PHRF1: variants seen among roughly 807,000 people sequenced by gnomAD.
PHRF1 encodes PHD and RING finger domain-containing protein 1.
In PHRF1, 53 loss-of-function variants were observed where a neutral mutation model predicts 128.9. The observed-to-expected ratio is 0.41, with a 90% CI of 0.33 to 0.52. PHRF1 has a LOEUF of 0.52. Among genes scored for constraint, PHRF1 ranks in the 20% least tolerant of loss-of-function variants. PHRF1 has a pLI of 0.21. For synonymous variants in PHRF1, 1,178 were observed against 980.6 expected (o/e 1.20, Z -3.76); for missense variants, 2,503 against 2,284.5 (o/e 1.10, Z -1.95).
In PHRF1 at chr11:604,718, T is replaced by C. The variant is rs182435474; in HGVS notation, c.1153-401T>C. On this transcript the variant is annotated intron_variant, in intron 10 of 17. Coordinates refer to ENST00000264555, the MANE Select transcript of PHRF1 (RefSeq NM_001286581.2). ...TTAGTAGAGATGGGGTTTCACCATG[T>C]TGGCCAGGCTGGTCTCAAGCTGGCC... is the stretch of plus-strand genomic sequence containing the variant. Among the ~76,000 whole-genome samples the C allele has an allele frequency of 6.4e-4, 97 of 152,348 alleles. No individual in the cohort carries two copies. In the East Asian group the frequency reaches 0.015, roughly 24 times the overall value.
intron 3 of PHRF1, among the ~76,000 whole-genome samples, chr11:586,731 T>C (rs1388113225): frequency 6.6e-6 from 1 of 152,190 alleles, no homozygotes; most frequent in Non-Finnish European, 1.5e-5. Context: ...TTGTGGTTAG[T>C]GGCCCAGTTA....
chr11:606,787 C>T (rs1408516107), intron 13 of PHRF1, 191 bp downstream of exon 13: 8 of 936,912 alleles, frequency 8.5e-6, no homozygotes, highest in Non-Finnish European at 1.2e-5. Flanking sequence ...TTACCCAGCC[C>T]CACAGCTTCA....
At chr11:590,270 T>C (rs1438345163) in intron 4 of PHRF1, among the ~76,000 whole-genome samples, 1 of 152,236 alleles carries the variant, frequency 6.6e-6, no homozygotes, top group Non-Finnish European at 1.5e-5. Context: ...CATGTATTCC[T>C]GGGTGTTTAC....
rs748418969 is a variant in PHRF1, at chr11:608,332, C to T, written c.2876C>T (p.Thr959Met). 2.4e-5 allele frequency: 38 copies of T among 1,609,480 alleles called. No homozygotes were observed. Among genetic ancestry groups the T allele is most frequent in the South Asian group, 4.4e-5 (4 of 90,814 alleles). The change falls in exon 14 of 18, where the codon ACG becomes ATG. Residue 959 changes from threonine (T) to methionine (M), a missense_variant. Physicochemically the swap from Thr to Met is moderately conservative, Grantham distance 81 (BLOSUM62 -1). Transcript: ENST00000264555. ...CSTFFGSEER[T>M]VTCVTVVEPE... ...ACCTTCTTTGGCTCTGAGGAGCGGACGGTGACCTGTGTGACTGTCGTGGAG... is the reference window on the plus strand; with the variant it reads ...ACCTTCTTTGGCTCTGAGGAGCGGATGGTGACCTGTGTGACTGTCGTGGAG...
intron 3 of PHRF1, among the ~76,000 whole-genome samples, chr11:584,406 T>A (rs1203538253): frequency 6.6e-6 from 1 of 152,176 alleles, no homozygotes; most frequent in East Asian, 1.9e-4. Flanking sequence ...GTGTCTGCGC[T>A]CACCTTCTAG....
Position 591,193 on chromosome 11 carries a change from C to T in PHRF1, c.421-191C>T, listed in dbSNP as rs150005519. Among the ~76,000 whole-genome samples the T allele has an allele frequency of 2.8e-3, 432 of 152,310 alleles. 4 individuals are homozygous for T. The highest frequency in any genetic ancestry group is 9.7e-3 in the African/African-American group (404 of 41,564). ...GTTCATGGAGCTGCTCTTTCCTCCC[C>T]GCTAGGGCTGGCAGCTCTGCAGGGA... is the stretch of plus-strand genomic sequence containing the variant. On this transcript the variant is annotated intron_variant, in intron 4 of 17. Coordinates refer to ENST00000264555, the MANE Select transcript of PHRF1 (RefSeq NM_001286581.2).
At chr11:579,897 T>G (rs1589854178) in intron 1 of PHRF1, among the ~76,000 whole-genome samples, 2 of 152,146 alleles carry the variant, frequency 1.3e-5, no homozygotes, top group Admixed American at 1.3e-4. Context: ...GCCGTCCTGG[T>G]TTCTGAGCCC....
rs1210839118 is a variant in PHRF1, at chr11:606,536, A to T, written c.1549A>T (p.Met517Leu). The change falls in exon 13 of 18, where the codon ATG (methionine) becomes TTG (leucine). Residue 517 changes from methionine to leucine, a missense_variant. Coordinates refer to ENST00000264555, the MANE Select transcript of PHRF1 (RefSeq NM_001286581.2). The part of the protein sequence containing the change: ...GSILSGQSLL[M>L]LGSSDVIIHR... The stretch of plus-strand genomic sequence containing the variant: ...CATCCTGTCGGGCCAGAGCCTCCTG[A>T]TGCTGGGCAGCAGTGATGTCATCAT... The T allele has an allele frequency of 1.2e-6, 2 of 1,610,676 alleles. No homozygotes were observed. Among genetic ancestry groups the T allele is most frequent in the South Asian group, 1.1e-5 (1 of 91,042 alleles).
At position 605,599 on chromosome 11, in the gene PHRF1, C is replaced by G. The variant is rs1417699306; in HGVS notation, c.1335-6C>G. 6.2e-7 allele frequency: 1 copy of G among 1,613,368 alleles called. No individual in the cohort carries two copies. Among genetic ancestry groups the G allele is most frequent in the Non-Finnish European group, 8.5e-7 (1 of 1,179,558 alleles). On this transcript the variant is annotated splice_polypyrimidine_tract_variant and splice_region_variant and intron_variant, in intron 11 of 17. Transcript: ENST00000264555. ...TGTTCCCTTTGGCCTGTGTCCTCCC[C>G]TCTAGCAGTGAAGAGCTTTCTGCAA...
rs371199791 is a variant in PHRF1, at chr11:610,256, C to T, written c.4325C>T (p.Ala1442Val). The T allele has an allele frequency of 6.4e-7, 1 of 1,554,968 alleles. No homozygotes were observed. The highest frequency in any genetic ancestry group is 8.7e-7 in the Non-Finnish European group (1 of 1,149,332). ...GGAGCCTGGGACATGGAGGATGTGG[C>T]CCCCACAGGGGTCAGGCAGGTGTTC... ...REGAWDMEDV[A>V]PTGVRQVFSE... Residue 1442 changes from alanine to valine, a missense_variant, in exon 15 of 18, where the codon GCC becomes GTC. Coordinates refer to ENST00000264555, the MANE Select transcript of PHRF1 (RefSeq NM_001286581.2).
chr11:611,410 C>T (rs1856388793), intron 17 of PHRF1, among the ~76,000 whole-genome samples: 2 of 152,172 alleles, frequency 1.3e-5, no homozygotes, highest in Admixed American at 1.3e-4. Flanking sequence ...CATGCTCCCC[C>T]CGCCCACCGA....
chr11:585,125 A>T (rs1028866722), intron 3 of PHRF1, among the ~76,000 whole-genome samples: 2 of 152,184 alleles, frequency 1.3e-5, no homozygotes, highest in African/African-American at 2.4e-5. Context: ...CACGAGCAAC[A>T]CCCACGTTGC....
intron 17 of PHRF1, 81 bp from the exon 18 acceptor site, chr11:611,536 TGAGCAGGGCAGGCGAGG>T: frequency 3.3e-6 from 5 of 1,536,212 alleles, no homozygotes; most frequent in Middle Eastern, 1.7e-4. Flanking sequence ...GGCCTGCTCC[TGAGCAGGGCAGGCGAGG>T]GAGCCCAGCT....
intron 3 of PHRF1, 102 bp from the exon 4 acceptor site, chr11:587,157 T>C (rs1249020151): frequency 8.8e-7 from 1 of 1,130,044 alleles, no homozygotes. Flanking sequence ...GGCTGTGCAT[T>C]GCCGACCTGG....
chr11:603,387 C>T (rs984767999), intron 10 of PHRF1, among the ~76,000 whole-genome samples: 1 of 152,074 alleles, frequency 6.6e-6, no homozygotes, highest in East Asian at 1.9e-4. Flanking sequence ...GGCTGGAGTG[C>T]AGTGACATGA....
In PHRF1 at chr11:605,318, G is replaced by T. The variant is rs1164982209; in HGVS notation, c.1334+18G>T. On this transcript the variant is annotated intron_variant, in intron 11 of 17. Coordinates refer to ENST00000264555, the MANE Select transcript of PHRF1 (RefSeq NM_001286581.2). ...TTCGACAGGTGAGTGAACTGGTGAT[G>T]GTCCTGCCTGGGCACCCGCTCCTCT... The T allele has an allele frequency of 6.2e-7, 1 of 1,608,032 alleles. No homozygotes were observed. Among genetic ancestry groups the T allele is most frequent in the Non-Finnish European group, 8.5e-7 (1 of 1,175,698 alleles).
rs759159525 is a variant in PHRF1 at position 609,402 on chromosome 11, G to A, written c.3946G>A (p.Val1316Met). ...TGCGTTGCCCCCAGCCAGCCTGGCC[G>A]TGGCCGCCATCCAGAGGGAGGTGTC... ...KPALPPASLA[V>M]AAIQREVSLM... The change falls in exon 14 of 18, where the codon GTG becomes ATG. Residue 1316 changes from valine (V) to methionine (M), a missense_variant. Physicochemically the swap from Val to Met is conservative, Grantham distance 21. Coordinates refer to ENST00000264555, the MANE Select transcript of PHRF1 (RefSeq NM_001286581.2). 58 of 1,610,532 alleles carry A rather than the reference G, an allele frequency of 3.6e-5. 1 individual carries two copies. The South Asian group carries it at 4.9e-4, about 14-fold the overall frequency.
chr11:608,189 C>T lies in PHRF1; in HGVS notation c.2733C>T (p.Ala911=), dbSNP rs377420898. The T allele has an allele frequency of 1.1e-5, 18 of 1,609,880 alleles. No homozygotes were observed. Among genetic ancestry groups the T allele is most frequent in the East Asian group, 2.2e-5 (1 of 44,878 alleles). ...AMSKLRGAVA[A]EGASDTEREE... ...CCAAGCTCCGGGGTGCAGTGGCTGC[C>T]GAGGGGGCCTCTGACACGGAGCGAG... The change falls in exon 14 of 18, where the codon GCC becomes GCT. Residue 911 remains alanine (A), a synonymous_variant. Transcript: ENST00000264555.
chr11:605,671 A>G lies in PHRF1; in HGVS notation c.1401A>G (p.Ser467=). 1 of 1,613,492 alleles carries G rather than the reference A, an allele frequency of 6.2e-7. No homozygotes were observed. ...CCAAGAGACGGGCTCTGTCCCGGTCAGCCCTGCAGTCCCACCAGCCCGTGG... is the reference window on the plus strand; with the variant it reads ...CCAAGAGACGGGCTCTGTCCCGGTCGGCCCTGCAGTCCCACCAGCCCGTGG... ...LSAKRRALSR[S]ALQSHQPVAR... Residue 467 remains serine, a synonymous_variant, in exon 12 of 18, where the codon TCA becomes TCG. Coordinates refer to ENST00000264555, the MANE Select transcript of PHRF1 (RefSeq NM_001286581.2).
Sources: gnomAD v4.1 joint callset for allele counts (sites outside exome capture counted in the v4.1 genomes callset) on GRCh38, gnomAD v4.1.1 for gene constraint, MANE v1.5 for transcripts, NCBI Gene and HGNC (gene_info 2026-07-23, HGNC 2026-07-21) for gene names.